SORCS2: variants seen among roughly 807,000 people sequenced by gnomAD.
SORCS2 encodes the protein sortilin related VPS10 domain containing receptor 2, also known as VPS10 domain-containing receptor SorCS2.
In SORCS2, 100 loss-of-function variants were observed where a neutral mutation model predicts 141.6. The observed-to-expected ratio is 0.71, with a 90% CI of 0.60 to 0.83. The LOEUF (loss-of-function observed/expected upper bound fraction) is 0.83. Among genes scored for constraint, SORCS2 ranks in the 40% least tolerant of loss-of-function variants. SORCS2 has a pLI of 0.00. For synonymous variants in SORCS2, 789 were observed against 676.9 expected, an observed-to-expected ratio of 1.17 and a Z score of -2.57; for missense variants, 1,646 against 1,560.2, an observed-to-expected ratio of 1.05 and a Z score of -0.93.
rs944931810 is a variant in SORCS2 at position 7,374,324 on chromosome 4, G to A, written c.481-21964G>A. Among the ~76,000 whole-genome samples, 15 of 152,204 alleles carry A rather than the reference G, an allele frequency of 9.9e-5. No individual in the cohort carries two copies. The East Asian group carries it at 2.9e-3, about 29-fold the overall frequency. On this transcript the variant is annotated intron_variant, in intron 1 of 26. Coordinates refer to ENST00000507866, the MANE Select transcript of SORCS2 (RefSeq NM_020777.3). ...ACTGAGTTGGCCCAGCAAGGCTTGTGGGGAAATGCTCCTCCCCCATGTGAG... is the reference window on the plus strand; with the variant it reads ...ACTGAGTTGGCCCAGCAAGGCTTGTAGGGAAATGCTCCTCCCCCATGTGAG...
rs570816586 is a variant in SORCS2, at chr4:7,349,563, C to G, written c.481-46725C>G. 3.0e-4 allele frequency among the ~76,000 whole-genome samples: 45 copies of G among 152,252 alleles called. No homozygotes were observed. The South Asian group carries it at 5.0e-3, about 17-fold the overall frequency. On this transcript the variant is annotated intron_variant, in intron 1 of 26. Coordinates refer to ENST00000507866, the MANE Select transcript of SORCS2 (RefSeq NM_020777.3). The stretch of plus-strand genomic sequence containing the variant: ...TGATGTGGTAGAAAGAGCAGTCAAG[C>G]AGGGTCAGGAGATGGGCTCCCCTGC...
chr4:7,600,296 G>A (rs1470031147), intron 3 of SORCS2, among the ~76,000 whole-genome samples: 1 of 152,154 alleles, frequency 6.6e-6, no homozygotes, highest in Non-Finnish European at 1.5e-5. Context: ...TGTCCAAAAT[G>A]GGTGTCACTG....
intron 1 of SORCS2, among the ~76,000 whole-genome samples, chr4:7,378,930 T>C (rs1288378302): frequency 2.6e-5 from 4 of 152,208 alleles, no homozygotes; most frequent in Non-Finnish European, 4.4e-5. Flanking sequence ...TTGGCCTTTT[T>C]AATTGACCCT....
At chr4:7,726,366 A>G (rs1331607132) in intron 20 of SORCS2, among the ~76,000 whole-genome samples, 1 of 152,188 alleles carries the variant, frequency 6.6e-6, no homozygotes, top group African/African-American at 2.4e-5. Context: ...TGAGATCAGG[A>G]GTTTGAGACC....
chr4:7,209,933 G>A (rs1324039063), intron 1 of SORCS2, among the ~76,000 whole-genome samples: 2 of 152,234 alleles, frequency 1.3e-5, no homozygotes, highest in Non-Finnish European at 2.9e-5. Context: ...TCTGCCGGGG[G>A]AAGGGGTGAA....
chr4:7,633,576 A>AGAAAT (rs148353159), intron 3 of SORCS2, among the ~76,000 whole-genome samples: 12 of 152,088 alleles, frequency 7.9e-5, no homozygotes, highest in Admixed American at 7.2e-4. Flanking sequence ...GCAATGTGAA[A>AGAAAT]GAATGAATGA....
rs542130788 is a variant in SORCS2, at chr4:7,372,665, T to C, written c.481-23623T>C. Among the ~76,000 whole-genome samples the C allele has an allele frequency of 2.6e-5, 4 of 152,332 alleles. No individual in the cohort carries two copies. The South Asian group carries it at 8.3e-4, about 32-fold the overall frequency. Reference sequence around the variant, plus strand: ...AAGTTTCGATAAATGCATACACTCATGGACGCAACACCACAGTTGAGATAA... The same window carrying C: ...AAGTTTCGATAAATGCATACACTCACGGACGCAACACCACAGTTGAGATAA... On this transcript the variant is annotated intron_variant, in intron 1 of 26. Transcript: ENST00000507866.
chr4:7,551,685 T>A (rs1280780183), intron 3 of SORCS2, among the ~76,000 whole-genome samples: 2 of 152,224 alleles, frequency 1.3e-5, no homozygotes, highest in East Asian at 1.9e-4. Flanking sequence ...AGGTGAGGCA[T>A]GTATCCACAA....
chr4:7,400,816 A>G (rs1188524207), intron 2 of SORCS2, among the ~76,000 whole-genome samples: 1 of 149,220 alleles, frequency 6.7e-6, no homozygotes, highest in African/African-American at 2.5e-5. Context: ...GATGGATAGA[A>G]GAATGGATGG....
intron 2 of SORCS2, among the ~76,000 whole-genome samples, chr4:7,489,601 C>G: frequency 6.6e-6 from 1 of 152,036 alleles, no homozygotes; most frequent in Non-Finnish European, 1.5e-5. Flanking sequence ...AGACAGTGTT[C>G]TAATGCAAAC....
chr4:7,423,291 C>A (rs751830970), intron 2 of SORCS2, among the ~76,000 whole-genome samples: 3 of 152,092 alleles, frequency 2.0e-5, no homozygotes, highest in Non-Finnish European at 4.4e-5. Flanking sequence ...GTTATTATTT[C>A]TTTATCTGTG....
intron 2 of SORCS2, among the ~76,000 whole-genome samples, chr4:7,461,839 C>T (rs763052621): frequency 1.3e-5 from 2 of 152,144 alleles, no homozygotes; most frequent in Non-Finnish European, 2.9e-5. Context: ...CCCACATCTG[C>T]CCACCTGTCA....
At chr4:7,351,771 C>T (rs1164799971) in intron 1 of SORCS2, among the ~76,000 whole-genome samples, 1 of 152,030 alleles carries the variant, frequency 6.6e-6, no homozygotes, top group Non-Finnish European at 1.5e-5. Context: ...CACTCATCCA[C>T]CCACCCATTT....
intron 1 of SORCS2, among the ~76,000 whole-genome samples, chr4:7,238,706 C>T (rs73799409): frequency 0.018 from 2,785 of 152,286 alleles, 87 homozygotes; most frequent in African/African-American, 0.063. Context: ...CTGCGTGTGT[C>T]TGGGTTTGAA....
At chr4:7,600,978 C>T (rs1022383310) in intron 3 of SORCS2, among the ~76,000 whole-genome samples, 1 of 152,152 alleles carries the variant, frequency 6.6e-6, no homozygotes, top group Non-Finnish European at 1.5e-5. Flanking sequence ...CTCCATCTCC[C>T]GGGTTCAAGT....
chr4:7,511,462 A>T (rs1280595236), intron 2 of SORCS2, among the ~76,000 whole-genome samples: 1 of 144,458 alleles, frequency 6.9e-6, no homozygotes, highest in Non-Finnish European at 1.5e-5. Context: ...ACACACAGAT[A>T]CACACACAAC....
At chr4:7,462,976 G>C (rs1729402782) in intron 2 of SORCS2, among the ~76,000 whole-genome samples, 1 of 151,778 alleles carries the variant, frequency 6.6e-6, no homozygotes, top group Non-Finnish European at 1.5e-5. Context: ...GTGCCTGTTT[G>C]AGATCACTAG....
chr4:7,334,096 C>T (rs1027386357), intron 1 of SORCS2, among the ~76,000 whole-genome samples: 6 of 152,182 alleles, frequency 3.9e-5, no homozygotes, highest in Non-Finnish European at 7.4e-5. Flanking sequence ...CTTAGTCCCC[C>T]GGCCCCTCAC....
At chr4:7,351,069 G>A (rs1212994749) in intron 1 of SORCS2, among the ~76,000 whole-genome samples, 1 of 152,120 alleles carries the variant, frequency 6.6e-6, no homozygotes, top group Non-Finnish European at 1.5e-5. Context: ...TGCTTGCTCC[G>A]CTCCACGGAC....
Sources: gnomAD v4.1 joint callset for allele counts (sites outside exome capture counted in the v4.1 genomes callset) on GRCh38, gnomAD v4.1.1 for gene constraint, MANE v1.5 for transcripts, NCBI Gene and HGNC (gene_info 2026-07-23, HGNC 2026-07-21) for gene names.